The following ZSCAN5A variants were observed in gnomAD, a reference collection of about 807,000 sequenced individuals.
ZSCAN5A encodes zinc finger and SCAN domain containing 5A.
In ZSCAN5A, 12 loss-of-function variants were observed where a neutral mutation model predicts 23.7. The observed-to-expected ratio is 0.51, with a 90% CI of 0.32 to 0.82. ZSCAN5A has a LOEUF of 0.82. Ranked by LOEUF, ZSCAN5A falls within the 40% of genes least tolerant of loss-of-function variation. ZSCAN5A has a pLI of 0.03. For missense variants in ZSCAN5A, 597 were observed against 617.9 expected (o/e 0.97, Z 0.36); for synonymous variants, 257 against 239.9 (o/e 1.07, Z -0.66).
At chr19:56,339,794 A>G (rs542309171) in intron 2 of ZSCAN5A, among the ~76,000 whole-genome samples, 71 of 142,930 alleles carry the variant, frequency 5.0e-4, no homozygotes, top group Non-Finnish European at 7.8e-4. Flanking sequence ...GCATTTAGCA[A>G]TATGTGAAGG....
intron 2 of ZSCAN5A, among the ~76,000 whole-genome samples, chr19:56,324,124 C>A (rs2041410600): frequency 6.6e-6 from 1 of 152,108 alleles, no homozygotes. Flanking sequence ...AACCTCTCTC[C>A]TTTCCCCCTC....
At chr19:56,302,658 CCTGTTCT>C (rs2040417940) in intron 2 of ZSCAN5A, among the ~76,000 whole-genome samples, 3 of 120,768 alleles carry the variant, frequency 2.5e-5, no homozygotes, top group Admixed American at 8.3e-5. Flanking sequence ...TCCCCCCCTC[CCTGTTCT>C]TTCCTTCCTC....
intron 2 of ZSCAN5A, chr19:56,263,375 GC>G (rs1206594708): frequency 6.6e-6 from 1 of 152,146 alleles, no homozygotes; most frequent in Non-Finnish European, 1.5e-5. Context: ...TTTTCCGAAA[GC>G]CAGAGCTTTG....
intron 2 of ZSCAN5A, among the ~76,000 whole-genome samples, chr19:56,299,666 C>T (rs531676987): frequency 6.6e-6 from 1 of 152,340 alleles, no homozygotes; most frequent in East Asian, 1.9e-4. Context: ...AACCTATGAA[C>T]AGCCTCCTGC....
At chr19:56,285,547 AAT>A (rs765342588) in intron 2 of ZSCAN5A, among the ~76,000 whole-genome samples, 20 of 152,190 alleles carry the variant, frequency 1.3e-4, no homozygotes, top group East Asian at 9.6e-4. Context: ...TTTTTTTTCT[AAT>A]ATATATGTTT....
chr19:56,346,368 C>T (rs1410691798), intron 2 of ZSCAN5A, among the ~76,000 whole-genome samples: 1 of 152,068 alleles, frequency 6.6e-6, no homozygotes, highest in Non-Finnish European at 1.5e-5. Flanking sequence ...AGTTACTTAT[C>T]TAGGGATCAT....
intron 2 of ZSCAN5A, among the ~76,000 whole-genome samples, chr19:56,250,294 G>A (rs371154567): frequency 2.6e-5 from 4 of 152,164 alleles, no homozygotes; most frequent in East Asian, 1.9e-4. Flanking sequence ...AGTTTGAGTC[G>A]ATACTTGGAA....
chr19:56,321,205 CT>C (rs1489479925), intron 2 of ZSCAN5A: 1 of 665,796 alleles, frequency 1.5e-6, no homozygotes, highest in Non-Finnish European at 2.8e-6. Flanking sequence ...AAGTTAATAT[CT>C]TCTTCTGAAG....
intron 2 of ZSCAN5A, among the ~76,000 whole-genome samples, chr19:56,270,692 AAT>A (rs2037782352): frequency 6.6e-6 from 1 of 152,158 alleles, no homozygotes; most frequent in African/African-American, 2.4e-5. Context: ...TTATAATAAA[AAT>A]AGAGTAATAA....
At position 56,224,485 on chromosome 19, in the gene ZSCAN5A, TCCTC is replaced by T; in HGVS notation, c.384+174_384+177del. 3 of 938,188 alleles carry T rather than the reference TCCTC, an allele frequency of 3.2e-6. No individual in the cohort carries two copies. In the South Asian group the frequency reaches 5.7e-5, roughly 18 times the overall value. 58.1% of individuals were successfully genotyped at this position (938,188 alleles called of 1,614,324 possible). On this transcript the variant is annotated intron_variant, in intron 3 of 5. Coordinates refer to ENST00000683990, the MANE Select transcript of ZSCAN5A (RefSeq NM_001322064.3). ...AGAGAACGCTTAGCAGCGTCTCCTG[TCCTC>T]CCTGACAACAAAAACTGTCCCCAGA...
chr19:56,349,444 C>T (rs1237789608), intron 2 of ZSCAN5A, among the ~76,000 whole-genome samples: 2 of 152,082 alleles, frequency 1.3e-5, no homozygotes, highest in Non-Finnish European at 2.9e-5. Context: ...CGCCTGTAAT[C>T]CCAGCACTTT....
At chr19:56,229,062 C>T (rs1405593723) in intron 2 of ZSCAN5A, among the ~76,000 whole-genome samples, 1 of 152,134 alleles carries the variant, frequency 6.6e-6, no homozygotes, top group Admixed American at 6.6e-5. Flanking sequence ...AAAGCCTTAA[C>T]GGTGGGTGTG....
chr19:56,246,398 A>T, intron 2 of ZSCAN5A: 1 of 566,580 alleles, frequency 1.8e-6, no homozygotes, highest in Non-Finnish European at 3.2e-6. Context: ...TTGGAGAAGG[A>T]TCTGAACGTA....
chr19:56,258,122 G>C (rs978532946), intron 2 of ZSCAN5A, among the ~76,000 whole-genome samples: 1 of 152,048 alleles, frequency 6.6e-6, no homozygotes, highest in African/African-American at 2.4e-5. Flanking sequence ...CATCTTCTTA[G>C]ACACAGGTGC....
intron 2 of ZSCAN5A, among the ~76,000 whole-genome samples, chr19:56,294,300 C>G (rs745478809): frequency 7.2e-5 from 11 of 152,230 alleles, no homozygotes; most frequent in Non-Finnish European, 1.0e-4. Flanking sequence ...ACCCAGGATG[C>G]AAGTGGTTCG....
intron 2 of ZSCAN5A, among the ~76,000 whole-genome samples, chr19:56,292,285 C>G (rs988933878): frequency 6.6e-6 from 1 of 152,054 alleles, no homozygotes; most frequent in Non-Finnish European, 1.5e-5. Flanking sequence ...ACCATTGTAA[C>G]TTGTTTTCAT....
intron 2 of ZSCAN5A, chr19:56,338,173 GTTGT>G (rs2041559029): frequency 6.6e-6 from 1 of 151,866 alleles, no homozygotes; most frequent in Admixed American, 6.6e-5. Context: ...TTTGAAACAA[GTTGT>G]TTAATATTTA....
At chr19:56,270,508 C>A (rs1353957160) in intron 2 of ZSCAN5A, among the ~76,000 whole-genome samples, 1 of 152,096 alleles carries the variant, frequency 6.6e-6, no homozygotes, top group African/African-American at 2.4e-5. Context: ...TAAAAACACA[C>A]AAAATAATAT....
At chr19:56,276,176 T>C (rs2038236579) in intron 2 of ZSCAN5A, among the ~76,000 whole-genome samples, 2 of 152,222 alleles carry the variant, frequency 1.3e-5, no homozygotes, top group South Asian at 4.1e-4. Context: ...TTTTCGATCT[T>C]GCAACCTCTC....
Sources: allele counts gnomAD v4.1 joint callset (sites outside exome capture counted in the v4.1 genomes callset), GRCh38; gene constraint gnomAD v4.1.1; transcripts MANE v1.5; gene names NCBI Gene and HGNC (gene_info 2026-07-23, HGNC 2026-07-21).